The following MCC variants were observed in gnomAD, a reference collection of about 807,000 sequenced individuals.
The protein encoded by MCC is MCC regulator of Wnt signaling pathway.
A neutral mutation model predicts 116.2 loss-of-function variants in MCC; 90 were observed. The observed-to-expected ratio is 0.77, with a 90% CI of 0.65 to 0.92. MCC has a LOEUF of 0.92. MCC is among the 40% of genes least tolerant of loss of function. The pLI, the probability that MCC is intolerant of heterozygous loss-of-function variation, is 0.00. For synonymous variants in MCC, 578 were observed against 510.5 expected (o/e 1.13, Z -1.78); for missense variants, 1,516 against 1,312.2 (o/e 1.16, Z -2.40).
At chr5:113,469,550 G>A (rs1050871914) in intron 1 of MCC, among the ~76,000 whole-genome samples, 1 of 152,236 alleles carries the variant, frequency 6.6e-6, no homozygotes, top group Non-Finnish European at 1.5e-5. Context: ...CTGAGAGACA[G>A]TTTGTTATAA....
chr5:113,200,012 TGATG>T lies in MCC; in HGVS notation c.628-48594_628-48591del, dbSNP rs1339346631. Among the ~76,000 whole-genome samples the T allele has an allele frequency of 1.2e-4, 18 of 152,312 alleles. No homozygotes were observed. In the South Asian group the frequency reaches 3.3e-3, roughly 28 times the overall value. ...AGGAACCGTGTGTGAGACACTAGAA[TGATG>T]GCTCCTAGCTGGGGAGAAAGGGCAT... On this transcript the variant is annotated intron_variant, in intron 3 of 18. Transcript: ENST00000408903.
intron 3 of MCC, among the ~76,000 whole-genome samples, chr5:113,326,877 A>G (rs1767568680): frequency 6.6e-6 from 1 of 152,194 alleles, no homozygotes; most frequent in South Asian, 2.1e-4. Context: ...GTCTTTTTCT[A>G]TAATGAAATA....
intron 3 of MCC, among the ~76,000 whole-genome samples, chr5:113,218,300 G>A (rs1289912511): frequency 2.0e-5 from 3 of 152,156 alleles, no homozygotes; most frequent in Admixed American, 2.0e-4. Context: ...CGTCTCTAAC[G>A]TCTGCAGCTT....
At chr5:113,206,281 C>G (rs1259834460) in intron 3 of MCC, among the ~76,000 whole-genome samples, 1 of 148,862 alleles carries the variant, frequency 6.7e-6, no homozygotes, top group Non-Finnish European at 1.5e-5. Context: ...ATGTTTCCCC[C>G]TAACTGGAAT....
intron 1 of MCC, among the ~76,000 whole-genome samples, chr5:113,466,183 T>TTA (rs1441549199): frequency 6.7e-6 from 1 of 148,244 alleles, no homozygotes; most frequent in Non-Finnish European, 1.5e-5. Context: ...TTTTTTTTTT[T>TTA]AATTTTATTA....
chr5:113,127,551 G>C (rs924029427), intron 5 of MCC, among the ~76,000 whole-genome samples: 3 of 152,132 alleles, frequency 2.0e-5, no homozygotes, highest in Non-Finnish European at 4.4e-5. Context: ...ATTCTGACTG[G>C]TGTGAGATGG....
At chr5:113,410,940 C>T (rs1327985438) in intron 1 of MCC, among the ~76,000 whole-genome samples, 4 of 152,192 alleles carry the variant, frequency 2.6e-5, no homozygotes, top group African/African-American at 9.7e-5. Flanking sequence ...ATGAACTCAT[C>T]CTTTTTTATG....
intron 1 of MCC, among the ~76,000 whole-genome samples, chr5:113,486,442 A>C (rs1772528900): frequency 2.0e-5 from 3 of 152,238 alleles, no homozygotes. Context: ...GTGAGCATTT[A>C]TATAGAAAGT....
At chr5:113,212,033 G>T (rs945779778) in intron 3 of MCC, among the ~76,000 whole-genome samples, 57 of 152,160 alleles carry the variant, frequency 3.7e-4, no homozygotes, top group African/African-American at 1.4e-3. Context: ...GATGCAGTAA[G>T]ATCCCAGACA....
intron 3 of MCC, among the ~76,000 whole-genome samples, chr5:113,302,769 C>T (rs994866219): frequency 6.6e-6 from 1 of 152,098 alleles, no homozygotes; most frequent in Non-Finnish European, 1.5e-5. Context: ...ACTCGCTGTC[C>T]AAGTGTATGT....
chr5:113,216,061 T>C (rs1006156983), intron 3 of MCC, among the ~76,000 whole-genome samples: 2 of 152,234 alleles, frequency 1.3e-5, no homozygotes, highest in African/African-American at 4.8e-5. Context: ...AATCTGACCT[T>C]CTACCTGTTT....
At chr5:113,443,999 G>GTC (rs1771130914) in intron 1 of MCC, among the ~76,000 whole-genome samples, 1 of 151,298 alleles carries the variant, frequency 6.6e-6, no homozygotes, top group Non-Finnish European at 1.5e-5. Context: ...ATTTGTGTGT[G>GTC]TGTGTGTGTG....
At chr5:113,468,249 T>A (rs1771972306) in intron 1 of MCC, among the ~76,000 whole-genome samples, 1 of 152,214 alleles carries the variant, frequency 6.6e-6, no homozygotes, top group Non-Finnish European at 1.5e-5. Flanking sequence ...AGGGCATCCC[T>A]GTCTTGTGCC....
rs559889358 is a variant in MCC, at chr5:113,073,650, T to G, written c.1785-2416A>C. ...GCCATAAGAATATCAGTTCGCCATA[T>G]GGCTGCTTTTTTTTTTTTTTCTTTT... On this transcript the variant is annotated intron_variant, in intron 11 of 18. Transcript: ENST00000408903. Among the ~76,000 whole-genome samples the G allele has an allele frequency of 2.0e-5, 3 of 146,878 alleles. No homozygotes were observed. In the East Asian group the frequency reaches 6.0e-4, roughly 29 times the overall value.
intron 3 of MCC, among the ~76,000 whole-genome samples, chr5:113,251,476 G>A (rs1005356954): frequency 9.2e-5 from 14 of 152,264 alleles, no homozygotes; most frequent in Non-Finnish European, 1.6e-4. Context: ...TGACAAACAC[G>A]GGACTAAGGG....
In MCC at chr5:113,443,991, T is replaced by TTGTGTGTGTGTGTG. The variant is rs34145955; in HGVS notation, c.170+44240_170+44253dup. Among the ~76,000 whole-genome samples the TTGTGTGTGTGTGTG allele has an allele frequency of 7.0e-3, 1,015 of 144,046 alleles. 13 individuals carry two copies. Among genetic ancestry groups the TTGTGTGTGTGTGTG allele is most frequent in the African/African-American group, 0.022 (845 of 38,022 alleles). The allele number at this position is 144,046 out of a possible 152,430, so 94.5% of individuals were successfully genotyped here. ...GGGCCCACCACCATGCTCGGCTAAT[T>TTGTGTGTGTGTGTG]TGTGTGTGTGTGTGTGTGTGTGTGT... On this transcript the variant is annotated intron_variant, in intron 1 of 18. Transcript: ENST00000408903.
chr5:113,061,388 G>A (rs1753206460), intron 14 of MCC, among the ~76,000 whole-genome samples: 1 of 152,336 alleles, frequency 6.6e-6, no homozygotes, highest in Middle Eastern at 3.4e-3. Context: ...CACAGAGGGT[G>A]GGCTTGACCA....
At chr5:113,289,508 T>C (rs573483351) in intron 3 of MCC, among the ~76,000 whole-genome samples, 13 of 152,046 alleles carry the variant, frequency 8.6e-5, no homozygotes, top group Non-Finnish European at 1.5e-4. Flanking sequence ...AAACAGCTGT[T>C]TTGACCAACA....
At chr5:113,487,931 G>A (rs1183556274) in intron 1 of MCC, among the ~76,000 whole-genome samples, 6 of 152,174 alleles carry the variant, frequency 3.9e-5, no homozygotes, top group East Asian at 1.9e-4. Context: ...CAAGCGGCCA[G>A]AACTCCTTTT....
Sources: allele counts gnomAD v4.1 joint callset (sites outside exome capture counted in the v4.1 genomes callset), GRCh38; gene constraint gnomAD v4.1.1; transcripts MANE v1.5; gene names NCBI Gene and HGNC (gene_info 2026-07-23, HGNC 2026-07-21).